The following HERC2 variants were observed in gnomAD, a reference collection of about 807,000 sequenced individuals.
HERC2 encodes HECT and RLD domain containing E3 ubiquitin protein ligase 2, also known as E3 ubiquitin-protein ligase HERC2.
HERC2 carries 102 observed loss-of-function variants against 537.7 expected under a neutral mutation model. That is an observed-to-expected ratio of 0.19 (90% CI 0.16 to 0.22). The LOEUF is 0.22. HERC2 is among the 10% of genes least tolerant of loss of function. The pLI is 1.00. For missense variants in HERC2, 4,236 were observed against 6,198.2 expected (o/e 0.68, Z 10.63); for synonymous variants, 2,224 against 2,466.2 (o/e 0.90, Z 2.91).
rs371625368 is a variant in HERC2 at position 28,233,179 on chromosome 15, G to T, written c.4642C>A (p.Gln1548Lys). ...TTCCTTCGTTCTCGAATTATCTTTTGAGCTATCCTCCTCCAACGGGGCAAA... is the reference window on the plus strand; with the variant it reads ...TTCCTTCGTTCTCGAATTATCTTTTTAGCTATCCTCCTCCAACGGGGCAAA... ...SSLPRWRRIAQKIIRERRKKR... is the reference protein window; with the variant it reads ...SSLPRWRRIAKKIIRERRKKR... Residue 1548 changes from glutamine to lysine, a missense_variant, in exon 30 of 93, where the codon CAA becomes AAA. Gln to Lys is a moderately conservative substitution (Grantham distance 53). Transcript: ENST00000261609. 94 of 1,611,562 alleles carry T rather than the reference G, an allele frequency of 5.8e-5. No individual in the cohort carries two copies. Among genetic ancestry groups the T allele is most frequent in the Non-Finnish European group, 7.9e-5 (93 of 1,179,762 alleles).
intron 70 of HERC2, among the ~76,000 whole-genome samples, chr15:28,148,434 G>T (rs767991216): frequency 2.0e-5 from 3 of 152,094 alleles, no homozygotes; most frequent in Non-Finnish European, 4.4e-5. Context: ...GCAATGCATG[G>T]AGAGTTACCA....
intron 24 of HERC2, 133 bp from the exon 25 acceptor site, chr15:28,238,350 A>G: frequency 2.4e-6 from 2 of 817,602 alleles, no homozygotes; most frequent in South Asian, 2.9e-5. Context: ...ATGACCTTCT[A>G]CTGTCTCCCA....
Position 28,228,268 on chromosome 15 carries a change from A to T in HERC2, c.5414T>A (p.Leu1805Gln), listed in dbSNP as rs748256395. 3.1e-6 allele frequency: 5 copies of T among 1,613,616 alleles called. No homozygotes were observed. The highest frequency in any genetic ancestry group is 2.5e-6 in the Non-Finnish European group (3 of 1,179,868). Residue 1805 changes from leucine to glutamine, a missense_variant, in exon 35 of 93, where the codon CTG (leucine) becomes CAG (glutamine). Physicochemically the swap from Leu to Gln is moderately radical, Grantham distance 113. This residue lies in a region of HERC2 where 343 missense variants were observed against 417.2 expected (regional missense o/e 0.82). Coordinates refer to ENST00000261609, the MANE Select transcript of HERC2 (RefSeq NM_004667.6). ...GAGGGCCAGCATGCCGGAATTGAGC[A>T]GAAGGTCGAGGTTGTTTGCGCCGTG... is the stretch of plus-strand genomic sequence containing the variant. ...LQHGANNLDL[L>Q]LNSGMLALTQ...
intron 2 of HERC2, among the ~76,000 whole-genome samples, chr15:28,304,186 A>AC (rs1337025484): frequency 1.2e-4 from 18 of 151,256 alleles, no homozygotes; most frequent in African/African-American, 4.4e-4. Context: ...AAAAAAAAAA[A>AC]AAAAAACAGA....
Position 28,233,707 on chromosome 15 carries a change from G to A in HERC2, c.4308C>T (p.Val1436=), listed in dbSNP as rs779001002. The part of the protein sequence containing the change: ...MFPPEHPVEE[V]GRLLLCCLLK... ...AGAGGCAACATAACAACAAGCGACC[G>A]ACCTCTTCCACGGGATGCTCGGGGG... The change falls in exon 28 of 93, where the codon GTC becomes GTT. Residue 1436 remains valine, a synonymous_variant. Coordinates refer to ENST00000261609, the MANE Select transcript of HERC2 (RefSeq NM_004667.6). 6 of 1,613,808 alleles carry A rather than the reference G, an allele frequency of 3.7e-6. No individual in the cohort carries two copies. Among genetic ancestry groups the A allele is most frequent in the Admixed American group, 3.3e-5 (2 of 60,010 alleles).
chr15:28,164,665 A>C (rs1893953631), intron 68 of HERC2, among the ~76,000 whole-genome samples: 1 of 152,224 alleles, frequency 6.6e-6, no homozygotes, highest in Non-Finnish European at 1.5e-5. Context: ...TAATACTAAC[A>C]TTAAAATTGC....
At chr15:28,225,691 C>T (rs573464426) in intron 35 of HERC2, among the ~76,000 whole-genome samples, 3 of 125,640 alleles carry the variant, frequency 2.4e-5, no homozygotes, top group Non-Finnish European at 4.8e-5. Context: ...AGCAAGACTC[C>T]GTCTCAAAAA....
chr15:28,115,386 TA>T, intron 89 of HERC2, 42 bp downstream of exon 89: 1 of 1,381,642 alleles, frequency 7.2e-7, no homozygotes, highest in Non-Finnish European at 1.0e-6. Flanking sequence ...CTGTGCCTGT[TA>T]ACAAGACCCT....
At chr15:28,304,859 C>G (rs553962242) in intron 2 of HERC2, among the ~76,000 whole-genome samples, 2 of 116,662 alleles carry the variant, frequency 1.7e-5, no homozygotes, top group South Asian at 3.4e-4. Context: ...ACCCCTCCCC[C>G]CTCCCCCCAC....
Position 28,275,119 on chromosome 15 carries a change from A to C in HERC2, c.543-114T>G, listed in dbSNP as rs538673077. On this transcript the variant is annotated intron_variant, in intron 5 of 92. Transcript: ENST00000261609. ...CAAAATCCGACCAATGGTTTTCTTC[A>C]AGTGACAGGATCACAAGTGGATTTT... 7.0e-4 allele frequency: 384 copies of C among 549,112 alleles called. No individual in the cohort carries two copies. In the East Asian group the frequency reaches 8.4e-3, roughly 12 times the overall value. The allele number at this position is 549,112 out of a possible 1,614,324, so 34.0% of individuals were successfully genotyped here. A position where few individuals can be genotyped will look rare whatever the true frequency, so the allele number is the denominator to read the frequency against.
At chr15:28,308,446 C>A (rs2076852380) in intron 2 of HERC2, among the ~76,000 whole-genome samples, 1 of 152,172 alleles carries the variant, frequency 6.6e-6, no homozygotes, top group Non-Finnish European at 1.5e-5. Flanking sequence ...TAATCATTTT[C>A]TTGTGGAGTC....
chr15:28,200,776 G>A (rs1365920050), intron 48 of HERC2, among the ~76,000 whole-genome samples: 1 of 145,758 alleles, frequency 6.9e-6, no homozygotes, highest in African/African-American at 2.5e-5. Flanking sequence ...CTGGTAAACA[G>A]AAATGTCATT....
chr15:28,159,478 C>A (rs573049443), intron 69 of HERC2, among the ~76,000 whole-genome samples: 2 of 152,250 alleles, frequency 1.3e-5, no homozygotes, highest in South Asian at 4.1e-4. Flanking sequence ...TCATTTCATT[C>A]ATTTGATCTT....
At position 28,146,445 on chromosome 15, in the gene HERC2, GA is replaced by G; in HGVS notation, c.10901-102del. On this transcript the variant is annotated intron_variant, in intron 70 of 92. Transcript: ENST00000261609. Reference sequence around the variant, plus strand: ...CACATTTAACAGCTAATGAATAGCAGAAAGTCAGAAAGAACTGGCCTCAAAG... The same window carrying G: ...CACATTTAACAGCTAATGAATAGCAGAAGTCAGAAAGAACTGGCCTCAAAG... 7.9e-6 allele frequency: 6 copies of G among 758,076 alleles called. No individual in the cohort carries two copies. In the South Asian group the frequency reaches 9.3e-5, roughly 12 times the overall value. The allele number at this position is 758,076 out of a possible 1,614,324, so 47.0% of individuals were successfully genotyped here.
chr15:28,210,136 T>A (rs1478100205), intron 44 of HERC2, among the ~76,000 whole-genome samples: 1 of 151,270 alleles, frequency 6.6e-6, no homozygotes, highest in Non-Finnish European at 1.5e-5. Context: ...TATTTTTTTT[T>A]ATTTATTTAT....
chr15:28,245,626 TATATGTACACAC>T, intron 23 of HERC2, among the ~76,000 whole-genome samples: 2 of 149,072 alleles, frequency 1.3e-5, no homozygotes, highest in Admixed American at 6.7e-5. Context: ...TACACACACA[TATATGTACACAC>T]ATATATATAC....
chr15:28,259,125 G>A (rs1305537817), intron 16 of HERC2, among the ~76,000 whole-genome samples: 3 of 152,002 alleles, frequency 2.0e-5, no homozygotes, highest in East Asian at 1.9e-4. Context: ...ACGGAGTTTC[G>A]CTCTTGTTGC....
chr15:28,144,874 G>A (rs1203687810), intron 71 of HERC2, 70 bp from the exon 72 acceptor site: 51 of 1,595,126 alleles, frequency 3.2e-5, no homozygotes, highest in East Asian at 6.7e-5. Flanking sequence ...CTTCTTAGAC[G>A]CAAAGCAGAA....
At chr15:28,211,442 C>T (rs1300474655) in intron 43 of HERC2, among the ~76,000 whole-genome samples, 1 of 151,928 alleles carries the variant, frequency 6.6e-6, no homozygotes, top group Non-Finnish European at 1.5e-5. Context: ...TTAATATGAT[C>T]AAATGTTCCC....
Sources: gnomAD v4.1 joint callset for allele counts (sites outside exome capture counted in the v4.1 genomes callset) on GRCh38, gnomAD v4.1.1 for gene constraint, gnomAD v4.1.1 regional missense constraint, MANE v1.5 for transcripts, NCBI Gene and HGNC (gene_info 2026-07-23, HGNC 2026-07-21) for gene names.